The following DPP6 variants were observed in gnomAD, a reference collection of about 807,000 sequenced individuals.
DPP6 encodes A-type potassium channel modulatory protein DPP6.
A neutral mutation model predicts 122.6 loss-of-function variants in DPP6; 69 were observed. The ratio of observed to expected loss-of-function variants is 0.56; its 90% CI spans 0.46 to 0.69. The LOEUF (loss-of-function observed/expected upper bound fraction) is 0.69, where lower values mean the gene tolerates loss of function less well. Ranked by LOEUF, DPP6 falls within the 30% of genes least tolerant of loss-of-function variation. DPP6 has a pLI of 0.00. For missense variants in DPP6, 928 were observed against 1,116.9 expected, an observed-to-expected ratio of 0.83 and a Z score of 2.41; for synonymous variants, 418 against 433.1, an observed-to-expected ratio of 0.97 and a Z score of 0.43.
intron 5 of DPP6, among the ~76,000 whole-genome samples, chr7:154,625,107 A>G (rs1834980791): frequency 6.6e-6 from 1 of 152,242 alleles, no homozygotes; most frequent in African/African-American, 2.4e-5. Context: ...CTGAGCAGGT[A>G]ATCATCAGAG....
intron 1 of DPP6, among the ~76,000 whole-genome samples, chr7:154,220,298 G>T (rs182450835): frequency 1.2e-4 from 18 of 152,232 alleles, no homozygotes; most frequent in Admixed American, 4.6e-4. Flanking sequence ...GACACAGTAA[G>T]AAAACACCTT....
intron 18 of DPP6, among the ~76,000 whole-genome samples, chr7:154,868,476 G>A (rs764374917): frequency 1.3e-5 from 2 of 152,196 alleles, no homozygotes; most frequent in Non-Finnish European, 2.9e-5. Flanking sequence ...TGGATTATGG[G>A]CTGATGAGGG....
At chr7:154,372,784 G>A (rs1220957241) in intron 1 of DPP6, among the ~76,000 whole-genome samples, 2 of 152,180 alleles carry the variant, frequency 1.3e-5, no homozygotes, top group East Asian at 1.9e-4. Flanking sequence ...TGTGAGGCAC[G>A]TCCAGGACCC....
intron 1 of DPP6, among the ~76,000 whole-genome samples, chr7:154,211,030 G>T (rs1318512461): frequency 2.0e-5 from 3 of 152,122 alleles, no homozygotes; most frequent in Non-Finnish European, 4.4e-5. Flanking sequence ...CTAAACTGTT[G>T]CCCAAACTGG....
intron 7 of DPP6, among the ~76,000 whole-genome samples, chr7:154,703,614 G>C (rs1430295719): frequency 1.1e-5 from 1 of 89,122 alleles, no homozygotes; most frequent in Non-Finnish European, 2.5e-5. Flanking sequence ...GAGACACTCT[G>C]TCTCAAAAAA....
intron 1 of DPP6, among the ~76,000 whole-genome samples, chr7:154,165,853 A>T (rs1170821094): frequency 2.6e-5 from 4 of 152,150 alleles, no homozygotes; most frequent in Non-Finnish European, 5.9e-5. Context: ...TGGGTATTTT[A>T]TTCCTCAGAA....
chr7:154,645,754 C>T (rs966815976), intron 6 of DPP6, among the ~76,000 whole-genome samples: 14 of 152,036 alleles, frequency 9.2e-5, no homozygotes, highest in African/African-American at 1.4e-4. Flanking sequence ...GGTTGCCAGG[C>T]GCGGTGGTTC....
intron 7 of DPP6, among the ~76,000 whole-genome samples, chr7:154,682,115 A>C (rs1839317858): frequency 6.6e-6 from 1 of 152,224 alleles, no homozygotes; most frequent in African/African-American, 2.4e-5. Context: ...TATAACCTAA[A>C]ATTTTTGAGA....
intron 4 of DPP6, among the ~76,000 whole-genome samples, chr7:154,560,758 C>G (rs1830368808): frequency 6.6e-6 from 1 of 151,982 alleles, no homozygotes; most frequent in African/African-American, 2.4e-5. Flanking sequence ...TGGTGGGCGC[C>G]TGTTATCCCA....
At chr7:154,591,750 G>A (rs945672768) in intron 5 of DPP6, among the ~76,000 whole-genome samples, 1 of 152,182 alleles carries the variant, frequency 6.6e-6, no homozygotes, top group Admixed American at 6.5e-5. Context: ...CAAATGCATC[G>A]CCAGCTGCAG....
intron 5 of DPP6, among the ~76,000 whole-genome samples, chr7:154,592,209 G>A (rs971353921): frequency 6.6e-6 from 1 of 152,248 alleles, no homozygotes; most frequent in Admixed American, 6.5e-5. Flanking sequence ...ATGTGGGCCA[G>A]AGTAAGGCTT....
chr7:154,077,952 A>G (rs1803688704), intron 1 of DPP6, among the ~76,000 whole-genome samples: 1 of 152,108 alleles, frequency 6.6e-6, no homozygotes, highest in African/African-American at 2.4e-5. Flanking sequence ...TACAGGCATG[A>G]GCTACTGCTC....
At chr7:154,633,291 C>T (rs1026251275) in intron 5 of DPP6, among the ~76,000 whole-genome samples, 1 of 152,102 alleles carries the variant, frequency 6.6e-6, no homozygotes, top group African/African-American at 2.4e-5. Context: ...GGCTGAAGTG[C>T]AAGGGCATGA....
intron 1 of DPP6, among the ~76,000 whole-genome samples, chr7:153,952,064 A>T (rs10276146): frequency 0.33 from 49,378 of 151,824 alleles, 8,375 homozygotes; most frequent in East Asian, 0.59. Context: ...AAAGAAAGAA[A>T]AAACTACTGA....
chr7:154,400,384 T>C (rs903403618), intron 1 of DPP6, among the ~76,000 whole-genome samples: 4 of 152,108 alleles, frequency 2.6e-5, no homozygotes, highest in Admixed American at 6.5e-5. Context: ...TGAGGGACAA[T>C]GAAAGGTCAA....
chr7:154,204,222 T>G (rs1463795219), intron 1 of DPP6, among the ~76,000 whole-genome samples: 2 of 152,148 alleles, frequency 1.3e-5, no homozygotes, highest in African/African-American at 4.8e-5. Flanking sequence ...TCCAGTCCCA[T>G]CCGTGGACAA....
intron 2 of DPP6, among the ~76,000 whole-genome samples, chr7:154,453,495 TGAA>T (rs1404160370): frequency 6.6e-6 from 1 of 150,902 alleles, no homozygotes; most frequent in Non-Finnish European, 1.5e-5. Flanking sequence ...AACATTTTAT[TGAA>T]GAAGGATATA....
intron 1 of DPP6, among the ~76,000 whole-genome samples, chr7:153,984,323 C>G (rs182033987): frequency 6.6e-6 from 1 of 152,150 alleles, no homozygotes; most frequent in Non-Finnish European, 1.5e-5. Flanking sequence ...ATTGCAAACA[C>G]CTCCTTCTGC....
chr7:154,358,116 G>A (rs1301163991), intron 1 of DPP6, among the ~76,000 whole-genome samples: 1 of 152,084 alleles, frequency 6.6e-6, no homozygotes, highest in Non-Finnish European at 1.5e-5. Context: ...AATCAGTCTA[G>A]AGCAGATCAT....
Sources: gnomAD v4.1 joint callset for allele counts (sites outside exome capture counted in the v4.1 genomes callset) on GRCh38, gnomAD v4.1.1 for gene constraint, MANE v1.5 for transcripts, NCBI Gene and HGNC (gene_info 2026-07-23, HGNC 2026-07-21) for gene names.